Variants in SZT2 observed in about 807,000 individuals in gnomAD.
The protein encoded by SZT2 is KICSTOR complex protein SZT2.
In SZT2, 216 loss-of-function variants were observed where a neutral mutation model predicts 404.2. The observed-to-expected ratio is 0.53, with a 90% CI of 0.48 to 0.60. The LOEUF (loss-of-function observed/expected upper bound fraction) is 0.60. Ranked by LOEUF, SZT2 falls within the 20% of genes least tolerant of loss-of-function variation. The pLI, the probability that SZT2 is intolerant of heterozygous loss-of-function variation, is 0.00. For synonymous variants in SZT2, 1,693 were observed against 1,749.9 expected (o/e 0.97, Z 0.81); for missense variants, 3,857 against 4,459.2 (o/e 0.86, Z 3.85).
intron 4 of SZT2, chr1:43,405,377 C>T (rs1298096024): frequency 6.6e-6 from 1 of 152,122 alleles, no homozygotes; most frequent in East Asian, 1.9e-4. Context: ...CAGATAATTA[C>T]AGGGCTTATC....
Position 43,437,038 on chromosome 1 carries a change from A to C in SZT2, c.6035-133A>C. 1 of 1,215,932 alleles carries C rather than the reference A, an allele frequency of 8.2e-7. No individual in the cohort carries two copies. The highest frequency in any genetic ancestry group is 1.2e-6 in the Non-Finnish European group (1 of 863,338). 75.3% of individuals were successfully genotyped at this position (1,215,932 alleles called of 1,614,324 possible). A position where few individuals can be genotyped will look rare whatever the true frequency, so the allele number is the denominator to read the frequency against. On this transcript the variant is annotated intron_variant, in intron 42 of 71. Transcript: ENST00000634258. This position sits in a 1 kb window ranked among gnomAD's most constrained non-coding sequence, Gnocchi z 5.3. ...TGGCCCTGTCGTGTTACCCAGAATG[A>C]TCATCATTTCTCTGCAATAGTCAGG...
rs1653884358 is a variant in SZT2 at position 43,431,537 on chromosome 1, C to T, written c.5088+14C>T. ...ACCATGAATGAGGTGAGCCCCCCACCCCCAACACTGTAACTGATTCCCTTT... is the reference window on the plus strand; with the variant it reads ...ACCATGAATGAGGTGAGCCCCCCACTCCCAACACTGTAACTGATTCCCTTT... On this transcript the variant is annotated intron_variant, in intron 35 of 71. Transcript: ENST00000634258. The T allele has an allele frequency of 6.2e-7, 1 of 1,614,034 alleles. No individual in the cohort carries two copies.
At position 43,435,268 on chromosome 1, in the gene SZT2, A is replaced by G; in HGVS notation, c.5973A>G (p.Glu1991=). The G allele has an allele frequency of 6.2e-7, 1 of 1,614,224 alleles. No individual in the cohort carries two copies. Among genetic ancestry groups the G allele is most frequent in the Non-Finnish European group, 8.5e-7 (1 of 1,180,034 alleles). Residue 1991 remains glutamate (E), a synonymous_variant, in exon 42 of 72, where the codon GAA becomes GAG. Transcript: ENST00000634258. The stretch of plus-strand genomic sequence containing the variant: ...CTCTTCTGGTGGCCGAGAGTGAAGA[A>G]GATCTGTGGCGCAGTGAGACTCCCT... ...CNSLLVAESE[E]DLWRSETPFH...
In SZT2 at chr1:43,446,149, C is replaced by A. The variant is rs898643335; in HGVS notation, c.8917-30C>A. 4 of 1,613,712 alleles carry A rather than the reference C, an allele frequency of 2.5e-6. No homozygotes were observed. The African/African-American group carries it at 5.3e-5, about 22-fold the overall frequency. ...TACTGATTCGAGGCTGGTGAGCCCCCAAACCTTGCCCCCTTTTTTGTTTCT... is the reference window on the plus strand; with the variant it reads ...TACTGATTCGAGGCTGGTGAGCCCCAAAACCTTGCCCCCTTTTTTGTTTCT... On this transcript the variant is annotated intron_variant, in intron 63 of 71. Coordinates refer to ENST00000634258, the MANE Select transcript of SZT2 (RefSeq NM_001365999.1).
Position 43,401,572 on chromosome 1 carries a change from C to T in SZT2, c.28-1605C>T, listed in dbSNP as rs554675541. On this transcript the variant is annotated intron_variant, in intron 1 of 71. Transcript: ENST00000634258. ...TGTGATCTCGGCTCACTGCAACCTC[C>T]GCCTCCTGGGTTCAAGCGATCTCCT... is the stretch of plus-strand genomic sequence containing the variant. 7.3e-5 allele frequency among the ~76,000 whole-genome samples: 11 copies of T among 150,846 alleles called. No homozygotes were observed. In the South Asian group the frequency reaches 8.4e-4, roughly 12 times the overall value.
chr1:43,420,937 T>A lies in SZT2; in HGVS notation c.1450T>A (p.Leu484Met). ...SCALRQPIRS[L>M]YRTHVIRRFW... ...TGCACTAAGGCAGCCCATTCGTTCA[T>A]TGTATCGTACCCATGTTATCCGGCG... Residue 484 changes from leucine to methionine, a missense_variant, in exon 10 of 72, where the codon TTG becomes ATG. This residue lies in a region of SZT2 where 536 missense variants were observed against 637.4 expected (regional missense o/e 0.84). Coordinates refer to ENST00000634258, the MANE Select transcript of SZT2 (RefSeq NM_001365999.1). The surrounding 1 kb of genome is among the most constrained non-coding windows in gnomAD (Gnocchi z 5.1). 2.5e-6 allele frequency: 4 copies of A among 1,598,468 alleles called. No individual in the cohort carries two copies. Among genetic ancestry groups the A allele is most frequent in the Non-Finnish European group, 3.4e-6 (4 of 1,179,812 alleles).
chr1:43,450,678 C>T lies in SZT2; in HGVS notation c.*198C>T, dbSNP rs1656287975. 3.8e-6 allele frequency: 3 copies of T among 797,178 alleles called. No homozygotes were observed. Among genetic ancestry groups the T allele is most frequent in the Non-Finnish European group, 6.0e-6 (3 of 495,874 alleles). The allele number at this position is 797,178 out of a possible 1,614,324, so 49.4% of individuals were successfully genotyped here. On this transcript the variant is annotated 3_prime_UTR_variant, in exon 72 of 72. Transcript: ENST00000634258. This position sits in a 1 kb window ranked among gnomAD's most constrained non-coding sequence, Gnocchi z 4.3. ...AGGAACCGCCCTCCCCAAACACCCA[C>T]AGCCACTGACCCATCCAGGACTCCA...
rs1652132158 is a variant in SZT2, at chr1:43,419,864, G to A, written c.1010G>A (p.Gly337Asp). The A allele has an allele frequency of 6.3e-7, 1 of 1,598,468 alleles. No individual in the cohort carries two copies. Among genetic ancestry groups the A allele is most frequent in the Non-Finnish European group, 8.5e-7 (1 of 1,179,798 alleles). The change falls in exon 8 of 72, where the codon GGT becomes GAT. Residue 337 changes from glycine to aspartate, a missense_variant. Gly to Asp is a moderately conservative substitution (Grantham distance 94). Around this residue, in one of 7 missense-constraint regions of SZT2, gnomAD observed 536 missense variants for 637.4 expected, o/e 0.84. Transcript: ENST00000634258. ...TCPEPEPGNLGLTVYHRAFLL... is the reference protein window; with the variant it reads ...TCPEPEPGNLDLTVYHRAFLL... ...CCTGAGCCGGAGCCAGGCAACCTGGGTCTGACTGTCTACCACCGGGCATTT... is the reference window on the plus strand; with the variant it reads ...CCTGAGCCGGAGCCAGGCAACCTGGATCTGACTGTCTACCACCGGGCATTT...
intron 64 of SZT2, 21 bp from the exon 65 acceptor site, chr1:43,446,321 T>C: frequency 6.2e-7 from 1 of 1,614,254 alleles, no homozygotes. Context: ...CTTCCTGATC[T>C]CATCTTCACC....
chr1:43,415,013 C>T, intron 4 of SZT2, 69 bp from the exon 5 acceptor site: 1 of 1,543,662 alleles, frequency 6.5e-7, no homozygotes, highest in Non-Finnish European at 8.7e-7. Context: ...GGAGAATAAA[C>T]AGAGCAGAAG....
intron 12 of SZT2, 48 bp downstream of exon 12, chr1:43,422,273 CAG>C (rs748277520): frequency 1.3e-6 from 2 of 1,537,476 alleles, no homozygotes; most frequent in African/African-American, 1.4e-5. Flanking sequence ...GTATCGGGGT[CAG>C]GGGGATAGGG....
chr1:43,419,114 C>T (rs1325409492), intron 7 of SZT2, among the ~76,000 whole-genome samples: 1 of 152,194 alleles, frequency 6.6e-6, no homozygotes, highest in Non-Finnish European at 1.5e-5. Context: ...CCACTTGGTC[C>T]GTCACAGCTA....
At position 43,435,268 on chromosome 1, in the gene SZT2, A is replaced by T. The variant is rs1385608127; in HGVS notation, c.5973A>T (p.Glu1991Asp). 1 of 1,614,224 alleles carries T rather than the reference A, an allele frequency of 6.2e-7. No homozygotes were observed. Among genetic ancestry groups the T allele is most frequent in the Admixed American group, 1.7e-5 (1 of 60,024 alleles). Residue 1991 changes from glutamate to aspartate, a missense_variant, in exon 42 of 72, where the codon GAA (glutamate) becomes GAT (aspartate). Transcript: ENST00000634258. Reference sequence around the variant, plus strand: ...CTCTTCTGGTGGCCGAGAGTGAAGAAGATCTGTGGCGCAGTGAGACTCCCT... The same window carrying T: ...CTCTTCTGGTGGCCGAGAGTGAAGATGATCTGTGGCGCAGTGAGACTCCCT... The part of the protein sequence containing the change: ...CNSLLVAESE[E>D]DLWRSETPFH...
Position 43,419,912 on chromosome 1 carries a change from G to T in SZT2, c.1058G>T (p.Ser353Ile). ...TTTCTCCTCTATTCCTTCCTGCGCA[G>T]TGGGGAAGCACTGAACCCTGAATAT... ...RAFLLYSFLR[S>I]GEALNPEYYC... The change falls in exon 8 of 72, where the codon AGT becomes ATT. Residue 353 changes from serine to isoleucine, a missense_variant. Transcript: ENST00000634258. 6.3e-7 allele frequency: 1 copy of T among 1,598,356 alleles called. No homozygotes were observed. The highest frequency in any genetic ancestry group is 8.5e-7 in the Non-Finnish European group (1 of 1,179,742).
At chr1:43,417,096 T>C (rs1265646582) in intron 7 of SZT2, among the ~76,000 whole-genome samples, 1 of 152,198 alleles carries the variant, frequency 6.6e-6, no homozygotes, top group African/African-American at 2.4e-5. Context: ...CATGAAAATC[T>C]GGTTCTGCTT....
In SZT2 at chr1:43,439,116, C is replaced by T; in HGVS notation, c.6792+23C>T. On this transcript the variant is annotated intron_variant, in intron 48 of 71. Coordinates refer to ENST00000634258, the MANE Select transcript of SZT2 (RefSeq NM_001365999.1). This position sits in a 1 kb window ranked among gnomAD's most constrained non-coding sequence, Gnocchi z 4.2. ...CAAGTGAGATGGCACTCATCTCTCTCCACACTCATGTGCACCCCTGCCCCC... is the reference window on the plus strand; with the variant it reads ...CAAGTGAGATGGCACTCATCTCTCTTCACACTCATGTGCACCCCTGCCCCC... The T allele has an allele frequency of 1.2e-6, 2 of 1,613,778 alleles. No individual in the cohort carries two copies. Among genetic ancestry groups the T allele is most frequent in the Non-Finnish European group, 1.7e-6 (2 of 1,179,836 alleles).
rs1656587398 is a variant in SZT2, at chr1:43,452,841, TC to T, written c.*2362del. Reference sequence around the variant, plus strand: ...TCCACCTCCTCCCATCATCCCCTGATCTTAGCCACATCCAGCTCCAAGCAGA... The same window carrying T: ...TCCACCTCCTCCCATCATCCCCTGATTTAGCCACATCCAGCTCCAAGCAGA... On this transcript the variant is annotated 3_prime_UTR_variant, in exon 72 of 72. Coordinates refer to ENST00000634258, the MANE Select transcript of SZT2 (RefSeq NM_001365999.1). 1.3e-6 allele frequency: 2 copies of T among 1,526,518 alleles called. No individual in the cohort carries two copies. Among genetic ancestry groups the T allele is most frequent in the Admixed American group, 3.9e-5 (2 of 51,190 alleles). The allele number at this position is 1,526,518 out of a possible 1,614,324, so 94.6% of individuals were successfully genotyped here. A position where few individuals can be genotyped will look rare whatever the true frequency, so the allele number is the denominator to read the frequency against.
At chr1:43,411,126 A>G (rs986826387) in intron 4 of SZT2, among the ~76,000 whole-genome samples, 6 of 152,234 alleles carry the variant, frequency 3.9e-5, no homozygotes. Context: ...GGGGGAAGCC[A>G]GCTGGGTTTC....
chr1:43,401,096 G>A (rs547894234), intron 1 of SZT2, among the ~76,000 whole-genome samples: 13 of 152,008 alleles, frequency 8.6e-5, no homozygotes, highest in Non-Finnish European at 1.8e-4. Flanking sequence ...TAATTTTTGT[G>A]TTTTTAGTAG....
Sources: gnomAD v4.1 joint callset for allele counts (sites outside exome capture counted in the v4.1 genomes callset) on GRCh38, gnomAD v4.1.1 for gene constraint, gnomAD v4.1.1 regional missense constraint, Gnocchi (gnomAD v3.1) non-coding constraint, MANE v1.5 for transcripts, NCBI Gene and HGNC (gene_info 2026-07-23, HGNC 2026-07-21) for gene names.